ZNG1A: variants seen among roughly 807,000 people sequenced by gnomAD.
ZNG1A encodes zinc-regulated GTPase metalloprotein activator 1A.
the ZNG1A span, chr9:151,945 T>C: frequency 3.9e-5 from 17 of 433,152 alleles, no homozygotes; most frequent in East Asian, 7.1e-4. Flanking sequence ...TTTCTTATAT[T>C]AGAATCAAGC....
At chr9:150,581 A>T in the ZNG1A span, 1 of 983,816 alleles carries the variant, frequency 1.0e-6, no homozygotes, top group Non-Finnish European at 1.2e-6. Context: ...CAGTCCTCAT[A>T]GCAAGGAAGT....
At chr9:121,604 C>T in the ZNG1A span, 29 of 1,585,340 alleles carry the variant, frequency 1.8e-5, no homozygotes, top group African/African-American at 1.2e-4. Flanking sequence ...GACGTGATTA[C>T]ATTATGCTTA....
chr9:145,256 T>A, the ZNG1A span, among the ~76,000 whole-genome samples: 1 of 151,438 alleles, frequency 6.6e-6, no homozygotes, highest in African/African-American at 2.4e-5. Flanking sequence ...CACGTATATT[T>A]ATTGCGGCAT....
the ZNG1A span, among the ~76,000 whole-genome samples, chr9:152,317 T>C: frequency 2.6e-5 from 4 of 152,150 alleles, no homozygotes; most frequent in South Asian, 8.3e-4. Flanking sequence ...ATGCAAAAAT[T>C]CGCACAACTG....
chr9:136,865 C>T, the ZNG1A span, among the ~76,000 whole-genome samples: 2 of 152,002 alleles, frequency 1.3e-5, 1 homozygote, highest in Middle Eastern at 6.8e-3. Context: ...TAGCGAGAGC[C>T]TGTCACTACA....
At chr9:175,843 A>C in the ZNG1A span, 1 of 830,412 alleles carries the variant, frequency 1.2e-6, no homozygotes, top group Non-Finnish European at 1.9e-6. Context: ...GATACAAAAA[A>C]CATATAAAGA....
chr9:162,506 A>G, the ZNG1A span: 215 of 1,575,534 alleles, frequency 1.4e-4, 1 homozygote, highest in African/African-American at 2.0e-3. Context: ...CTTTTTAAAA[A>G]GAATGTTTAT....
At chr9:177,518 G>A in the ZNG1A span, among the ~76,000 whole-genome samples, 1 of 151,628 alleles carries the variant, frequency 6.6e-6, no homozygotes, top group Non-Finnish European at 1.5e-5. Flanking sequence ...AAGGGGGAAG[G>A]AGGAGGGAGC....
At chr9:154,401 C>G in the ZNG1A span, 4 of 466,894 alleles carry the variant, frequency 8.6e-6, no homozygotes, top group South Asian at 1.9e-4. Flanking sequence ...ATTAACCATC[C>G]TGGGTAAAGT....
the ZNG1A span, among the ~76,000 whole-genome samples, chr9:129,310 T>C: frequency 4.6e-4 from 70 of 152,032 alleles, 1 homozygote; most frequent in East Asian, 0.012. Context: ...CTTTCTTGCT[T>C]GATAAGAGAA....
chr9:177,617 G>A, the ZNG1A span: 14 of 1,518,116 alleles, frequency 9.2e-6, no homozygotes, highest in East Asian at 3.2e-4. Context: ...AGGGAAAATG[G>A]TCAGGGATAG....
At chr9:162,532 C>T in the ZNG1A span, 1 of 1,556,612 alleles carries the variant, frequency 6.4e-7, no homozygotes, top group Non-Finnish European at 8.7e-7. Context: ...TTTGTACAAC[C>T]ATACTTCAAA....
the ZNG1A span, among the ~76,000 whole-genome samples, chr9:157,752 C>G: frequency 6.9e-6 from 1 of 144,946 alleles, no homozygotes; most frequent in Non-Finnish European, 1.5e-5. Context: ...GTGTACAATG[C>G]TACACAAATG....
chr9:160,729 T>A, the ZNG1A span, among the ~76,000 whole-genome samples: 1 of 140,332 alleles, frequency 7.1e-6, no homozygotes, highest in Non-Finnish European at 1.5e-5. Context: ...GCATTTTCAG[T>A]CTATCAAAAT....
At chr9:138,648 C>T in the ZNG1A span, among the ~76,000 whole-genome samples, 4 of 144,266 alleles carry the variant, frequency 2.8e-5, no homozygotes, top group African/African-American at 1.1e-4. Context: ...CATGTAATCC[C>T]AGCACTTTGG....
the ZNG1A span, among the ~76,000 whole-genome samples, chr9:175,195 T>G: frequency 1.3e-5 from 2 of 152,104 alleles, no homozygotes; most frequent in African/African-American, 4.8e-5. Context: ...CTGGCCAACA[T>G]GGCGAAACCC....
the ZNG1A span, among the ~76,000 whole-genome samples, chr9:158,787 T>C: frequency 9.9e-5 from 15 of 151,998 alleles, no homozygotes; most frequent in East Asian, 2.7e-3. Context: ...TATACCATTA[T>C]AGCAGAAGAG....
chr9:141,396 G>T, the ZNG1A span, among the ~76,000 whole-genome samples: 3 of 149,496 alleles, frequency 2.0e-5, no homozygotes, highest in East Asian at 2.0e-4. Context: ...TCAACATTCT[G>T]AAAGAAAAGA....
At chr9:144,550 A>G in the ZNG1A span, among the ~76,000 whole-genome samples, 9 of 152,204 alleles carry the variant, frequency 5.9e-5, 1 homozygote, top group African/African-American at 2.2e-4. Flanking sequence ...TCAATTCAAC[A>G]TGGATTAAAG....
Sources: allele counts gnomAD v4.1 joint callset (sites outside exome capture counted in the v4.1 genomes callset), GRCh38; gene constraint gnomAD v4.1.1; transcripts MANE v1.5; gene names NCBI Gene and HGNC (gene_info 2026-07-23, HGNC 2026-07-21).